Variants in TENM2 observed in about 807,000 individuals in gnomAD.
TENM2 encodes the protein teneurin transmembrane protein 2, also known as teneurin-2.
TENM2 carries 52 observed loss-of-function variants against 245.2 expected under a neutral mutation model. That is an observed-to-expected ratio of 0.21 (90% CI 0.17 to 0.27). The LOEUF is 0.27. TENM2 is among the 10% of genes least tolerant of loss of function. The pLI is 1.00. For synonymous variants in TENM2, 1,363 were observed against 1,438.9 expected, an observed-to-expected ratio of 0.95 and a Z score of 1.19; for missense variants, 3,046 against 3,666.8, an observed-to-expected ratio of 0.83 and a Z score of 4.37.
chr5:168,182,428 C>T (rs1159840464), intron 13 of TENM2, among the ~76,000 whole-genome samples: 2 of 152,286 alleles, frequency 1.3e-5, no homozygotes, highest in South Asian at 2.1e-4. Context: ...CTTAGAGCAC[C>T]TCTGTGCATT....
intron 1 of TENM2, among the ~76,000 whole-genome samples, chr5:167,303,850 G>A (rs1755506974): frequency 6.6e-6 from 1 of 152,290 alleles, no homozygotes; most frequent in South Asian, 2.1e-4. Context: ...AAGTCTGTAT[G>A]GCCAGGCAGT....
At chr5:167,118,160 T>C in the TENM2 span, among the ~76,000 whole-genome samples, 3 of 152,216 alleles carry the variant, frequency 2.0e-5, no homozygotes, top group African/African-American at 4.8e-5. Flanking sequence ...TGTAGGCTAT[T>C]TGATATTCTA....
chr5:167,678,099 A>G (rs1756456600), intron 2 of TENM2, among the ~76,000 whole-genome samples: 1 of 152,124 alleles, frequency 6.6e-6, no homozygotes. Context: ...ACAAGAATAG[A>G]TTTTAATACA....
At chr5:168,165,637 TCCCCCCCCCAACCCCC>T (rs1477168798) in intron 13 of TENM2, among the ~76,000 whole-genome samples, 347 of 22,616 alleles carry the variant, frequency 0.015, 46 homozygotes, top group African/African-American at 0.026. Flanking sequence ...CAATTCAGGA[TCCCCCCCCCAACCCCC>T]CCCCCCCCCC....
chr5:168,194,121 G>A (rs1761185120), intron 14 of TENM2, among the ~76,000 whole-genome samples: 1 of 152,232 alleles, frequency 6.6e-6, no homozygotes, highest in African/African-American at 2.4e-5. Flanking sequence ...TGTGACAAAG[G>A]ACGGGTCAGT....
chr5:167,626,060 G>A (rs1353003629), intron 2 of TENM2, among the ~76,000 whole-genome samples: 2 of 152,100 alleles, frequency 1.3e-5, no homozygotes. Flanking sequence ...CTCTTTAAAA[G>A]TGATTCACTA....
intron 2 of TENM2, among the ~76,000 whole-genome samples, chr5:167,734,311 C>T (rs1441507666): frequency 6.6e-6 from 1 of 151,916 alleles, no homozygotes; most frequent in African/African-American, 2.4e-5. Flanking sequence ...CCTGAGAGGA[C>T]CCACATCTTA....
At chr5:167,188,273 A>C in the TENM2 span, among the ~76,000 whole-genome samples, 1 of 152,156 alleles carries the variant, frequency 6.6e-6, no homozygotes, top group Non-Finnish European at 1.5e-5. Flanking sequence ...CACCTATTAG[A>C]AGGTAGTCTC....
intron 6 of TENM2, among the ~76,000 whole-genome samples, chr5:168,049,563 A>G (rs1298808253): frequency 6.6e-6 from 1 of 152,048 alleles, no homozygotes; most frequent in Admixed American, 6.6e-5. Flanking sequence ...CTCTATTTCT[A>G]CCTCTGCTCC....
chr5:167,413,192 A>G (rs1317996243), intron 2 of TENM2, among the ~76,000 whole-genome samples: 1 of 152,110 alleles, frequency 6.6e-6, no homozygotes, highest in East Asian at 1.9e-4. Flanking sequence ...TTTTCTACAT[A>G]ATTAAATTGT....
intron 9 of TENM2, among the ~76,000 whole-genome samples, chr5:168,100,793 T>C (rs1198152885): frequency 6.6e-6 from 1 of 151,550 alleles, no homozygotes; most frequent in Non-Finnish European, 1.5e-5. Flanking sequence ...AGATGATGGG[T>C]TGATGGGTGC....
At chr5:167,080,536 C>G in the TENM2 span, among the ~76,000 whole-genome samples, 1 of 152,144 alleles carries the variant, frequency 6.6e-6, no homozygotes, top group Non-Finnish European at 1.5e-5. Context: ...TTTGTGCACA[C>G]TTACCCCACC....
chr5:168,142,183 T>C (rs1416907386), intron 12 of TENM2, among the ~76,000 whole-genome samples: 1 of 152,220 alleles, frequency 6.6e-6, no homozygotes, highest in Non-Finnish European at 1.5e-5. Context: ...GAGGCCCAAG[T>C]AGACAGAGGT....
rs1554142423 is a variant in TENM2 at position 167,907,547 on chromosome 5, A to ATATATATG, written c.712+31359_712+31360insGTATATAT. 8.8e-5 allele frequency among the ~76,000 whole-genome samples: 8 copies of ATATATATG among 91,194 alleles called. No homozygotes were observed. In the East Asian group the frequency reaches 3.0e-3, roughly 34 times the overall value. The allele number at this position is 91,194 out of a possible 152,430, so 59.8% of individuals were successfully genotyped here. On this transcript the variant is annotated intron_variant, in intron 3 of 28. Transcript: ENST00000518659. ...TAAATATATATATATATATATATAT[A>ATATATATG]TATATATATATATATATATATATAT...
the TENM2 span, among the ~76,000 whole-genome samples, chr5:167,158,913 C>CCT: frequency 0.023 from 2,397 of 105,196 alleles, 191 homozygotes; most frequent in African/African-American, 0.092. Flanking sequence ...CCTTCCTCTT[C>CCT]CTCTCTCTCT....
the TENM2 span, among the ~76,000 whole-genome samples, chr5:167,219,163 A>T: frequency 6.6e-6 from 1 of 152,194 alleles, no homozygotes; most frequent in Non-Finnish European, 1.5e-5. Context: ...TGCAGGGCAT[A>T]GAGGCTCATG....
At chr5:167,036,040 G>C in the TENM2 span, among the ~76,000 whole-genome samples, 1 of 152,206 alleles carries the variant, frequency 6.6e-6, no homozygotes, top group African/African-American at 2.4e-5. Flanking sequence ...ACTGCATCTG[G>C]CCAGATAATA....
intron 2 of TENM2, among the ~76,000 whole-genome samples, chr5:167,714,951 T>C (rs1759161087): frequency 6.6e-6 from 1 of 152,194 alleles, no homozygotes; most frequent in South Asian, 2.1e-4. Context: ...TTGAAAACCT[T>C]CTACCCATTT....
In TENM2 at chr5:168,247,820, G is replaced by T; in HGVS notation, c.6881G>T (p.Ser2294Ile). The T allele has an allele frequency of 6.2e-7, 1 of 1,613,996 alleles. No individual in the cohort carries two copies. Among genetic ancestry groups the T allele is most frequent in the South Asian group, 1.1e-5 (1 of 91,080 alleles). Residue 2294 changes from serine to isoleucine, a missense_variant, in exon 27 of 29, where the codon AGC (serine) becomes ATC (isoleucine). Ser to Ile is a moderately radical substitution (Grantham distance 142). This residue lies in a region of TENM2 where 2,704 missense variants were observed against 3,331.9 expected (regional missense o/e 0.81). Coordinates refer to ENST00000518659, the Ensembl canonical transcript of TENM2. The surrounding 1 kb of genome is among the most constrained non-coding windows in gnomAD (Gnocchi z 7.8). Reference sequence around the variant, plus strand: ...CTAACAAGAGCCTACAACAAGGCCAGCGGGTGGAGTGTCCAGTACCGCTAT... The same window carrying T: ...CTAACAAGAGCCTACAACAAGGCCATCGGGTGGAGTGTCCAGTACCGCTAT...
Sources: gnomAD v4.1 joint callset for allele counts (sites outside exome capture counted in the v4.1 genomes callset) on GRCh38, gnomAD v4.1.1 for gene constraint, gnomAD v4.1.1 regional missense constraint, Gnocchi (gnomAD v3.1) non-coding constraint, MANE v1.5 for transcripts, NCBI Gene and HGNC (gene_info 2026-07-23, HGNC 2026-07-21) for gene names.